Variants in NOL4 observed in about 807,000 individuals in gnomAD.
The protein encoded by NOL4 is nucleolar protein 4.
In NOL4, 17 loss-of-function variants were observed where a neutral mutation model predicts 75.9. The ratio of observed to expected loss-of-function variants is 0.22; its 90% CI spans 0.15 to 0.34. The LOEUF (loss-of-function observed/expected upper bound fraction) is 0.34, where lower values mean the gene tolerates loss of function less well. Ranked by LOEUF, NOL4 falls within the 10% of genes least tolerant of loss-of-function variation. The pLI is 1.00. For synonymous variants in NOL4, 292 were observed against 289.9 expected (o/e 1.01, Z -0.07); for missense variants, 614 against 793.5 (o/e 0.77, Z 2.72).
chr18:34,071,640 T>C (rs938505301), intron 5 of NOL4, among the ~76,000 whole-genome samples: 1 of 152,210 alleles, frequency 6.6e-6, no homozygotes, highest in Non-Finnish European at 1.5e-5. Context: ...CACTTTATTA[T>C]AAAATAGGCC....
At chr18:33,936,178 GC>G (rs2068044268) in intron 9 of NOL4, among the ~76,000 whole-genome samples, 1 of 151,928 alleles carries the variant, frequency 6.6e-6, no homozygotes, top group South Asian at 2.1e-4. Flanking sequence ...TATTAAAATT[GC>G]CCCCACGCTT....
At chr18:33,855,726 G>A (rs111745909) in intron 10 of NOL4, among the ~76,000 whole-genome samples, 4 of 151,824 alleles carry the variant, frequency 2.6e-5, no homozygotes, top group East Asian at 1.9e-4. Context: ...ACACCAAAAC[G>A]AATTATTGAT....
intron 6 of NOL4, among the ~76,000 whole-genome samples, chr18:33,976,750 G>T (rs2071518069): frequency 6.6e-6 from 1 of 152,084 alleles, no homozygotes; most frequent in African/African-American, 2.4e-5. Flanking sequence ...TTGAGTTAGA[G>T]GTGAGCCTTG....
chr18:33,964,606 G>A (rs927204040), intron 6 of NOL4, among the ~76,000 whole-genome samples: 9 of 152,150 alleles, frequency 5.9e-5, no homozygotes, highest in African/African-American at 1.2e-4. Flanking sequence ...AAAATGTGCT[G>A]GTTGCACTAG....
At chr18:33,882,289 T>G (rs1251605397) in intron 10 of NOL4, among the ~76,000 whole-genome samples, 4 of 151,562 alleles carry the variant, frequency 2.6e-5, no homozygotes, top group East Asian at 1.9e-4. Flanking sequence ...TGGGAGAAAA[T>G]TTTTGCAACC....
chr18:34,138,525 A>C (rs1329367184), intron 1 of NOL4, among the ~76,000 whole-genome samples: 1 of 152,214 alleles, frequency 6.6e-6, no homozygotes, highest in Non-Finnish European at 1.5e-5. Context: ...AAATGTTCCA[A>C]AATTAGAGGA....
intron 10 of NOL4, among the ~76,000 whole-genome samples, chr18:33,882,498 A>C (rs1457635559): frequency 3.3e-5 from 5 of 151,984 alleles, no homozygotes; most frequent in African/African-American, 4.8e-5. Context: ...AATCACAACC[A>C]CAATGAGATA....
chr18:34,087,637 T>A (rs547279262), intron 5 of NOL4, among the ~76,000 whole-genome samples: 2 of 152,180 alleles, frequency 1.3e-5, no homozygotes, highest in African/African-American at 4.8e-5. Flanking sequence ...TATGTATTAG[T>A]TGAGTGAATA....
chr18:33,886,479 G>GATC (rs1013238108), intron 9 of NOL4, among the ~76,000 whole-genome samples: 1 of 148,114 alleles, frequency 6.8e-6, no homozygotes, highest in Admixed American at 6.8e-5. Flanking sequence ...AGTGAGCCAA[G>GATC]ATCATGCCAC....
chr18:34,049,286 T>C (rs1034056458), intron 5 of NOL4, among the ~76,000 whole-genome samples: 1 of 151,912 alleles, frequency 6.6e-6, no homozygotes, highest in Non-Finnish European at 1.5e-5. Context: ...ATAACCGGAA[T>C]TTAAGTGCCT....
chr18:34,037,156 A>G (rs568108293), intron 5 of NOL4, among the ~76,000 whole-genome samples: 1 of 152,332 alleles, frequency 6.6e-6, no homozygotes, highest in African/African-American at 2.4e-5. Context: ...AGTGAAATCA[A>G]GAAGGCAATT....
intron 5 of NOL4, among the ~76,000 whole-genome samples, chr18:34,040,905 G>A (rs928661110): frequency 6.6e-6 from 1 of 151,900 alleles, no homozygotes; most frequent in Admixed American, 6.6e-5. Context: ...AGTAAAAGAA[G>A]TGTTTATTCT....
intron 10 of NOL4, among the ~76,000 whole-genome samples, chr18:33,869,841 T>A (rs1473190082): frequency 6.6e-6 from 1 of 152,048 alleles, no homozygotes; most frequent in Non-Finnish European, 1.5e-5. Flanking sequence ...TGATTTCTTA[T>A]CAAATATTTA....
chr18:33,956,276 G>A (rs2069640400), intron 8 of NOL4, among the ~76,000 whole-genome samples: 1 of 152,040 alleles, frequency 6.6e-6, no homozygotes, highest in Non-Finnish European at 1.5e-5. Context: ...AACTCATTGG[G>A]TTTCTAAAAT....
chr18:33,911,306 T>TTC (rs965571756), intron 9 of NOL4, among the ~76,000 whole-genome samples: 5 of 152,150 alleles, frequency 3.3e-5, no homozygotes, highest in African/African-American at 9.6e-5. Context: ...CTGAGAAATG[T>TTC]TCTCTCTCTC....
At chr18:34,222,086 T>C in intron 1 of NOL4, 4 of 1,535,054 alleles carry the variant, frequency 2.6e-6, no homozygotes, top group East Asian at 2.5e-5. Context: ...ACAGTTCCCA[T>C]CTTCTTGTGA....
At chr18:34,086,987 G>A (rs2078274509) in intron 5 of NOL4, among the ~76,000 whole-genome samples, 1 of 152,126 alleles carries the variant, frequency 6.6e-6, no homozygotes, top group Non-Finnish European at 1.5e-5. Flanking sequence ...AAGTAACTCA[G>A]AAGTTACTGG....
intron 1 of NOL4, among the ~76,000 whole-genome samples, chr18:34,198,348 T>C (rs1213377336): frequency 6.6e-6 from 1 of 151,868 alleles, no homozygotes; most frequent in Admixed American, 6.6e-5. Context: ...ACACTAAAAG[T>C]GACAAACGCC....
rs866160390 is a variant in NOL4 at position 34,084,991 on chromosome 18, C to T, written c.772+8474G>A. ...GGAACACAGCATGGTGTTCAGTTTA[C>T]GGTAAGAGTTTATAAAGGCTAGCCA... is the stretch of plus-strand genomic sequence containing the variant. On this transcript the variant is annotated intron_variant, in intron 5 of 10. Coordinates refer to ENST00000261592, the MANE Select transcript of NOL4 (RefSeq NM_003787.5). Among the ~76,000 whole-genome samples the T allele has an allele frequency of 4.6e-5, 7 of 151,890 alleles. No homozygotes were observed. The East Asian group carries it at 7.7e-4, about 17-fold the overall frequency.
Sources: gnomAD v4.1 joint callset for allele counts (sites outside exome capture counted in the v4.1 genomes callset) on GRCh38, gnomAD v4.1.1 for gene constraint, MANE v1.5 for transcripts, NCBI Gene and HGNC (gene_info 2026-07-23, HGNC 2026-07-21) for gene names.